ADAMTS2: variants seen among roughly 807,000 people sequenced by gnomAD.
ADAMTS2 encodes the protein ADAM metallopeptidase with thrombospondin type 1 motif 2.
Under a neutral mutation model 123.0 loss-of-function variants are expected in ADAMTS2, and 50 were observed. The observed-to-expected ratio is 0.41, with a 90% CI of 0.32 to 0.51. The LOEUF is 0.51. ADAMTS2 is among the 20% of genes least tolerant of loss of function. ADAMTS2 has a pLI of 0.35. For missense variants in ADAMTS2, 1,494 were observed against 1,705.2 expected (o/e 0.88, Z 2.18); for synonymous variants, 678 against 695.4 (o/e 0.98, Z 0.39).
At chr5:179,119,250 T>C (rs185757724) in intron 21 of ADAMTS2, among the ~76,000 whole-genome samples, 2 of 152,206 alleles carry the variant, frequency 1.3e-5, no homozygotes, top group Admixed American at 1.3e-4. Flanking sequence ...TGATCAATGA[T>C]CTGAGCTCTG....
intron 2 of ADAMTS2, among the ~76,000 whole-genome samples, chr5:179,306,090 G>A (rs1348409328): frequency 1.3e-5 from 2 of 151,814 alleles, no homozygotes; most frequent in Non-Finnish European, 2.9e-5. Context: ...ATTTTATGAG[G>A]TCAACATTAC....
At chr5:179,191,451 G>A (rs113594468) in intron 4 of ADAMTS2, among the ~76,000 whole-genome samples, 26 of 147,938 alleles carry the variant, frequency 1.8e-4, no homozygotes, top group Admixed American at 1.0e-3. Flanking sequence ...ACCTGGGTCC[G>A]TTTGAGCACC....
At chr5:179,229,231 T>TG (rs1765353543) in intron 3 of ADAMTS2, among the ~76,000 whole-genome samples, 1 of 150,192 alleles carries the variant, frequency 6.7e-6, no homozygotes, top group Admixed American at 6.6e-5. Context: ...GACTTGGCCG[T>TG]GATCAAAACA....
chr5:179,239,991 A>T (rs1765625319), intron 3 of ADAMTS2, among the ~76,000 whole-genome samples: 1 of 152,170 alleles, frequency 6.6e-6, no homozygotes, highest in Non-Finnish European at 1.5e-5. Flanking sequence ...GGCCTGGTCC[A>T]AGTGGGGTTA....
In ADAMTS2 at chr5:179,308,593, T is replaced by C. The variant is rs896749641; in HGVS notation, c.534+35174A>G. ...AGGCAAAACTTTGGGAGGATCCTTT[T>C]TAATTGTATTTGCAAAACAGTTTCT... On this transcript the variant is annotated intron_variant, in intron 2 of 21. Transcript: ENST00000251582. This position sits in a 1 kb window ranked among gnomAD's most constrained non-coding sequence, Gnocchi z 6.6. 1.3e-5 allele frequency among the ~76,000 whole-genome samples: 2 copies of C among 152,194 alleles called. No individual in the cohort carries two copies. The highest frequency in any genetic ancestry group is 4.8e-5 in the African/African-American group (2 of 41,446).
intron 4 of ADAMTS2, among the ~76,000 whole-genome samples, chr5:179,182,070 G>T (rs554777480): frequency 6.6e-6 from 1 of 151,962 alleles, no homozygotes; most frequent in Admixed American, 6.6e-5. Context: ...ACTCCTCCTC[G>T]AGGCCAGCTC....
rs540152979 is a variant in ADAMTS2 at position 179,312,896 on chromosome 5, C to T, written c.534+30871G>A. ...AATTCTAATGTTTCAAACCAGCAAG[C>T]TTGTAGTAATTTGCAGGCAGCCTCA... On this transcript the variant is annotated intron_variant, in intron 2 of 21. Coordinates refer to ENST00000251582, the MANE Select transcript of ADAMTS2 (RefSeq NM_014244.5). This position sits in a 1 kb window ranked among gnomAD's most constrained non-coding sequence, Gnocchi z 4.2. Among the ~76,000 whole-genome samples, 13 of 152,342 alleles carry T rather than the reference C, an allele frequency of 8.5e-5. 1 individual carries two copies. The South Asian group carries it at 2.7e-3, about 32-fold the overall frequency.
At chr5:179,257,657 C>T (rs182865648) in intron 3 of ADAMTS2, among the ~76,000 whole-genome samples, 5 of 152,290 alleles carry the variant, frequency 3.3e-5, no homozygotes, top group East Asian at 1.9e-4. Flanking sequence ...GAAACGGAAC[C>T]GCTGGAAAGG....
intron 10 of ADAMTS2, among the ~76,000 whole-genome samples, chr5:179,142,794 C>G (rs1561775796): frequency 6.6e-6 from 1 of 152,160 alleles, no homozygotes; most frequent in Non-Finnish European, 1.5e-5. Flanking sequence ...ATTGAAACAG[C>G]AGGACCAGGG....
At chr5:179,266,774 C>T (rs1387710671) in intron 3 of ADAMTS2, among the ~76,000 whole-genome samples, 2 of 148,020 alleles carry the variant, frequency 1.4e-5, no homozygotes, top group Non-Finnish European at 3.0e-5. Context: ...CTGGGCCCCC[C>T]AGCCCCCACC....
chr5:179,125,918 C>T, intron 18 of ADAMTS2, 80 bp downstream of exon 18: 10 of 1,585,340 alleles, frequency 6.3e-6, no homozygotes, highest in Non-Finnish European at 8.6e-6. Context: ...CAGGCCCAGG[C>T]CCCACACCTC....
chr5:179,284,517 G>T (rs937184992), intron 2 of ADAMTS2, among the ~76,000 whole-genome samples: 1 of 152,002 alleles, frequency 6.6e-6, no homozygotes, highest in African/African-American at 2.4e-5. Flanking sequence ...CTCCCAAGTA[G>T]CTGGGATTAC....
At chr5:179,321,895 C>A (rs1468577479) in intron 2 of ADAMTS2, among the ~76,000 whole-genome samples, 1 of 152,140 alleles carries the variant, frequency 6.6e-6, no homozygotes, top group Non-Finnish European at 1.5e-5. Flanking sequence ...CTGGAGATCC[C>A]GGCCTCTCCA....
intron 13 of ADAMTS2, among the ~76,000 whole-genome samples, chr5:179,133,959 G>A (rs577175898): frequency 2.0e-5 from 3 of 151,152 alleles, no homozygotes; most frequent in Non-Finnish European, 4.4e-5. Context: ...TAATCTGCCC[G>A]CCTCGGCCTC....
intron 11 of ADAMTS2, among the ~76,000 whole-genome samples, chr5:179,138,753 C>T (rs1185913075): frequency 2.0e-5 from 3 of 152,186 alleles, no homozygotes; most frequent in Non-Finnish European, 4.4e-5. Flanking sequence ...GAGGCTGTCC[C>T]ACTGCGGGAT....
chr5:179,208,460 C>T lies in ADAMTS2; in HGVS notation c.689-745G>A, dbSNP rs375636963. 7.4e-3 allele frequency among the ~76,000 whole-genome samples: 1,134 copies of T among 152,326 alleles called. 9 individuals are homozygous for T. Among genetic ancestry groups the T allele is most frequent in the Non-Finnish European group, 0.01 (687 of 68,014 alleles). On this transcript the variant is annotated intron_variant, in intron 3 of 21. Coordinates refer to ENST00000251582, the MANE Select transcript of ADAMTS2 (RefSeq NM_014244.5). ...AAGATGAACCCCTCTGTGGCAGCTC[C>T]GCTGCAGTCGGCCCTGGGCAGGCAC...
In ADAMTS2 at chr5:179,307,907, G is replaced by A. The variant is rs1195876668; in HGVS notation, c.535-34843C>T. Among the ~76,000 whole-genome samples, 2 of 152,150 alleles carry A rather than the reference G, an allele frequency of 1.3e-5. No individual in the cohort carries two copies. The highest frequency in any genetic ancestry group is 1.5e-5 in the Non-Finnish European group (1 of 68,032). The stretch of plus-strand genomic sequence containing the variant: ...CCATTTCCCAATCATCGACACGTGG[G>A]TTCTTTATTGGGTCACTCTCTGCCC... On this transcript the variant is annotated intron_variant, in intron 2 of 21. Coordinates refer to ENST00000251582, the MANE Select transcript of ADAMTS2 (RefSeq NM_014244.5). This position sits in a 1 kb window ranked among gnomAD's most constrained non-coding sequence, Gnocchi z 5.6.
At chr5:179,134,888 A>G in intron 13 of ADAMTS2, among the ~76,000 whole-genome samples, 1 of 63,032 alleles carries the variant, frequency 1.6e-5, no homozygotes, top group Non-Finnish European at 3.2e-5. Context: ...TCCCGGCTCC[A>G]GACCCCAGCT....
chr5:179,217,798 G>GCAGATA (rs1561811198), intron 3 of ADAMTS2, among the ~76,000 whole-genome samples: 1 of 107,340 alleles, frequency 9.3e-6, no homozygotes, highest in Admixed American at 1.0e-4. Context: ...TGGCGCAAGG[G>GCAGATA]GGGGATGGGC....
Sources: allele counts gnomAD v4.1 joint callset (sites outside exome capture counted in the v4.1 genomes callset), GRCh38; gene constraint gnomAD v4.1.1; non-coding constraint Gnocchi (gnomAD v3.1); transcripts MANE v1.5; gene names NCBI Gene and HGNC (gene_info 2026-07-23, HGNC 2026-07-21).